DAB1: variants seen among roughly 807,000 people sequenced by gnomAD.
DAB1 encodes the protein disabled homolog 1.
A neutral mutation model predicts 64.6 loss-of-function variants in DAB1; 15 were observed. The observed-to-expected ratio is 0.23, with a 90% CI of 0.16 to 0.36. The LOEUF (loss-of-function observed/expected upper bound fraction) is 0.36. Among genes scored for constraint, DAB1 ranks in the 10% least tolerant of loss-of-function variants. DAB1 has a pLI of 1.00. For missense variants in DAB1, 596 were observed against 706.7 expected (o/e 0.84, Z 1.78); for synonymous variants, 235 against 251.9 (o/e 0.93, Z 0.64).
At chr1:58,018,613 G>A (rs1329510712) in intron 5 of DAB1, among the ~76,000 whole-genome samples, 3 of 152,092 alleles carry the variant, frequency 2.0e-5, no homozygotes, top group Non-Finnish European at 4.4e-5. Context: ...AAAGGGTTGG[G>A]GACAAGCTAA....
chr1:57,721,681 G>C (rs1647152789), intron 6 of DAB1, among the ~76,000 whole-genome samples: 1 of 152,170 alleles, frequency 6.6e-6, no homozygotes, highest in Admixed American at 6.5e-5. Flanking sequence ...GGGGCAGCAG[G>C]AGCTTCTTAG....
rs35634554 is a variant in DAB1, at chr1:57,629,735, G to GA, written n.625+19856dup. 3.8e-3 allele frequency among the ~76,000 whole-genome samples: 539 copies of GA among 143,208 alleles called. 3 individuals are homozygous for GA. Among genetic ancestry groups the GA allele is most frequent in the Middle Eastern group, 0.011 (3 of 270 alleles). 94.0% of individuals were successfully genotyped at this position (143,208 alleles called of 152,430 possible). On this transcript the variant is annotated intron_variant and non_coding_transcript_variant, in intron 7 of 20. Coordinates refer to the DAB1 transcript ENST00000485760. Reference sequence around the variant, plus strand: ...AGATCTCCAGGTAGCTCAAGAACTTGAAAAAAAAAAAAAACTGAACTGATT... The same window carrying GA: ...AGATCTCCAGGTAGCTCAAGAACTTGAAAAAAAAAAAAAAACTGAACTGATT...
intron 5 of DAB1, among the ~76,000 whole-genome samples, chr1:58,083,215 C>T (rs777131375): frequency 2.0e-5 from 3 of 152,114 alleles, no homozygotes; most frequent in Non-Finnish European, 4.4e-5. Context: ...CCCCACAACC[C>T]CAATTATGGA....
chr1:57,711,530 C>T (rs1343649632), intron 6 of DAB1, among the ~76,000 whole-genome samples: 5 of 152,194 alleles, frequency 3.3e-5, no homozygotes, highest in Non-Finnish European at 4.4e-5. Flanking sequence ...CCTGTACTCA[C>T]GGGTGCCTGT....
At chr1:58,472,328 C>T (rs1645368422) in intron 3 of DAB1, among the ~76,000 whole-genome samples, 1 of 152,236 alleles carries the variant, frequency 6.6e-6, no homozygotes, top group Non-Finnish European at 1.5e-5. Flanking sequence ...CCTCATCTGT[C>T]TTCACTATTT....
At chr1:58,412,869 C>A (rs922640894) in intron 3 of DAB1, among the ~76,000 whole-genome samples, 1 of 152,206 alleles carries the variant, frequency 6.6e-6, no homozygotes, top group African/African-American at 2.4e-5. Context: ...ATCTATAAAA[C>A]AGGGATAATA....
At chr1:57,615,727 G>A (rs1645784055) in intron 7 of DAB1, among the ~76,000 whole-genome samples, 1 of 152,046 alleles carries the variant, frequency 6.6e-6, no homozygotes, top group Non-Finnish European at 1.5e-5. Context: ...GAACAGTCTT[G>A]GATTTAAAAA....
chr1:57,615,243 C>A (rs1205227512), intron 7 of DAB1, among the ~76,000 whole-genome samples: 1 of 152,202 alleles, frequency 6.6e-6, no homozygotes, highest in African/African-American at 2.4e-5. Context: ...TATTTTACAG[C>A]CCCTTTGCTG....
chr1:57,396,564 T>A (rs903813909), intron 1 of DAB1, among the ~76,000 whole-genome samples: 1 of 152,218 alleles, frequency 6.6e-6, no homozygotes, highest in East Asian at 1.9e-4. Flanking sequence ...TATCCAGAGA[T>A]ATCACACTGA....
chr1:57,330,782 A>C (rs909657389), intron 1 of DAB1, among the ~76,000 whole-genome samples: 1 of 151,612 alleles, frequency 6.6e-6, no homozygotes, highest in Non-Finnish European at 1.5e-5. Context: ...GGAGCTCCAC[A>C]CTATGGTCCA....
intron 1 of DAB1, among the ~76,000 whole-genome samples, chr1:57,324,616 T>A (rs28706213): frequency 0.24 from 37,184 of 152,020 alleles, 5,780 homozygotes; most frequent in Non-Finnish European, 0.36. Flanking sequence ...AATACATAAC[T>A]ATCCAAAACC....
At chr1:57,297,546 A>C (rs1005734777) in intron 1 of DAB1, among the ~76,000 whole-genome samples, 1 of 152,162 alleles carries the variant, frequency 6.6e-6, no homozygotes, top group African/African-American at 2.4e-5. Context: ...ATATACGTAC[A>C]TACATAGAGA....
intron 5 of DAB1, among the ~76,000 whole-genome samples, chr1:58,072,845 T>G (rs1649362335): frequency 6.6e-6 from 1 of 152,298 alleles, no homozygotes; most frequent in South Asian, 2.1e-4. Context: ...CAACATCAAA[T>G]TTTTCCAGGT....
intron 1 of DAB1, chr1:58,533,803 G>GT: frequency 1.5e-5 from 9 of 605,522 alleles, no homozygotes; most frequent in East Asian, 2.9e-5. Flanking sequence ...AGCCAATCAC[G>GT]TTTTTTTCAG....
intron 1 of DAB1, chr1:57,386,845 T>C (rs185457899): frequency 5.9e-5 from 9 of 152,220 alleles, no homozygotes; most frequent in African/African-American, 1.4e-4. Context: ...CTGAGGCCCA[T>C]GCAACATTAA....
chr1:57,040,644 T>C (rs575297386), intron 9 of DAB1, among the ~76,000 whole-genome samples: 1 of 152,298 alleles, frequency 6.6e-6, no homozygotes, highest in South Asian at 2.1e-4. Context: ...GGTATAAATA[T>C]ACACAGAAAA....
intron 9 of DAB1, among the ~76,000 whole-genome samples, chr1:57,054,624 C>T (rs56821517): frequency 0.025 from 3,837 of 151,862 alleles, 156 homozygotes; most frequent in African/African-American, 0.087. Context: ...ACTGCAGGTA[C>T]CCGCCACCAC....
chr1:57,303,446 C>T (rs139394277), intron 1 of DAB1, among the ~76,000 whole-genome samples: 115 of 152,264 alleles, frequency 7.6e-4, no homozygotes, highest in African/African-American at 2.4e-3. Context: ...CACAGCTCAG[C>T]CTGGCAGAAA....
chr1:57,159,137 A>G (rs556847558), intron 2 of DAB1, among the ~76,000 whole-genome samples: 1 of 151,552 alleles, frequency 6.6e-6, no homozygotes, highest in African/African-American at 2.4e-5. Flanking sequence ...TCCTTTTTGC[A>G]TTTCTCTGGC....
Sources: gnomAD v4.1 joint callset for allele counts (sites outside exome capture counted in the v4.1 genomes callset) on GRCh38, gnomAD v4.1.1 for gene constraint, MANE v1.5 for transcripts, NCBI Gene and HGNC (gene_info 2026-07-23, HGNC 2026-07-21) for gene names.